CCDC57: variants seen among roughly 807,000 people sequenced by gnomAD.
CCDC57 encodes the protein coiled-coil domain-containing protein 57.
CCDC57 carries 118 observed loss-of-function variants against 118.9 expected under a neutral mutation model. The observed-to-expected ratio is 0.99, with a 90% CI of 0.86 to 1.16. The LOEUF is 1.16. CCDC57 is among the 50% of genes most tolerant of loss of function. The pLI, the probability that CCDC57 is intolerant of heterozygous loss-of-function variation, is 0.00. For synonymous variants in CCDC57, 527 were observed against 532.9 expected (o/e 0.99, Z 0.15); for missense variants, 1,300 against 1,320.7 (o/e 0.98, Z 0.24).
intron 19 of CCDC57, among the ~76,000 whole-genome samples, chr17:82,114,235 G>A (rs550525274): frequency 3.9e-5 from 6 of 152,226 alleles, no homozygotes; most frequent in Admixed American, 6.5e-5. Flanking sequence ...GGGCCATCCC[G>A]ACCTGCTCTC....
chr17:82,138,756 G>A (rs565008407), intron 16 of CCDC57, among the ~76,000 whole-genome samples: 49 of 152,176 alleles, frequency 3.2e-4, no homozygotes, highest in Non-Finnish European at 7.1e-4. Flanking sequence ...CTGAGGCACT[G>A]AGGAACTGTG....
At chr17:82,199,661 G>T (rs1007350334) in intron 3 of CCDC57, among the ~76,000 whole-genome samples, 1 of 152,110 alleles carries the variant, frequency 6.6e-6, no homozygotes, top group Non-Finnish European at 1.5e-5. Flanking sequence ...CCCGCACGGC[G>T]GGCAAGTGGG....
chr17:82,142,002 G>GAA (rs1391240965), intron 16 of CCDC57, among the ~76,000 whole-genome samples: 1 of 151,918 alleles, frequency 6.6e-6, no homozygotes, highest in Non-Finnish European at 1.5e-5. Flanking sequence ...AACCAGTTCT[G>GAA]CCTCCATCTG....
intron 2 of CCDC57, among the ~76,000 whole-genome samples, chr17:82,206,832 C>T (rs2049714756): frequency 6.6e-6 from 1 of 152,182 alleles, no homozygotes; most frequent in Non-Finnish European, 1.5e-5. Flanking sequence ...AATTATAACT[C>T]AGACAGTGAA....
chr17:82,181,296 G>A (rs76851926), intron 9 of CCDC57, among the ~76,000 whole-genome samples: 224 of 152,386 alleles, frequency 1.5e-3, no homozygotes, highest in African/African-American at 4.8e-3. Context: ...CCCAGAGCTC[G>A]TCAGGGCGGC....
At chr17:82,149,944 T>C (rs1319686478) in intron 16 of CCDC57, among the ~76,000 whole-genome samples, 184 of 39,154 alleles carry the variant, frequency 4.7e-3, no homozygotes, top group Middle Eastern at 0.02. Flanking sequence ...CTGGCGCACA[T>C]CCAGAACCAG....
At chr17:82,102,157 C>T (rs575608744) in intron 19 of CCDC57, among the ~76,000 whole-genome samples, 2 of 152,302 alleles carry the variant, frequency 1.3e-5, no homozygotes, top group East Asian at 1.9e-4. Context: ...GTGACCATTT[C>T]GTAATGGGTC....
chr17:82,148,098 G>A (rs1044871299), intron 16 of CCDC57, among the ~76,000 whole-genome samples: 41 of 49,266 alleles, frequency 8.3e-4, no homozygotes, highest in African/African-American at 1.3e-3. Flanking sequence ...GGATGGATGG[G>A]TGGGTGGGAT....
At chr17:82,163,312 C>A (rs1319424960) in exon 14 of CCDC57, 3 of 1,613,738 alleles carry the variant, frequency 1.9e-6, no homozygotes, top group Non-Finnish European at 2.5e-6. Flanking sequence ...TCCTGCTTGA[C>A]CAGCTTGGAC....
chr17:82,194,013 GCTCCCCGGCTCGGCTCTGGAGCTTC>G lies in CCDC57; in HGVS notation c.720_744del (p.Arg240SerfsTer8). 1 of 1,612,500 alleles carries G rather than the reference GCTCCCCGGCTCGGCTCTGGAGCTTC, an allele frequency of 6.2e-7. No individual in the cohort carries two copies. Among genetic ancestry groups the G allele is most frequent in the Non-Finnish European group, 8.5e-7 (1 of 1,179,618 alleles). On this transcript the variant is annotated frameshift_variant, in exon 6 of 20. Transcript: ENST00000665763. LOFTEE classifies it high-confidence loss of function. The stretch of plus-strand genomic sequence containing the variant: ...CGGCTCATGGCCTCCAGGTCCTGGA[GCTCCCCGGCTCGGCTCTGGAGCTTC>G]CTCTCCAGCTCGGCGTTGGTGGCCT...
chr17:82,178,214 C>A (rs1434915290), intron 11 of CCDC57, among the ~76,000 whole-genome samples: 2 of 152,190 alleles, frequency 1.3e-5, no homozygotes, highest in Non-Finnish European at 2.9e-5. Context: ...ATCATAAGAA[C>A]AAACTCACAT....
chr17:82,113,299 C>T (rs1352867393), intron 19 of CCDC57: 10 of 668,320 alleles, frequency 1.5e-5, no homozygotes, highest in Non-Finnish European at 2.8e-5. Flanking sequence ...TTCTTGGATT[C>T]CTGTAGCTTC....
intron 19 of CCDC57, among the ~76,000 whole-genome samples, chr17:82,102,722 A>G (rs1656699086): frequency 6.6e-6 from 1 of 152,054 alleles, no homozygotes; most frequent in Non-Finnish European, 1.5e-5. Flanking sequence ...CGTCTCTACT[A>G]AAAATACAAA....
chr17:82,173,904 C>T (rs555148577), intron 11 of CCDC57, among the ~76,000 whole-genome samples: 43 of 152,244 alleles, frequency 2.8e-4, no homozygotes, highest in African/African-American at 1.0e-3. Flanking sequence ...AGGTGAGGGG[C>T]GCTTCTGCCT....
intron 17 of CCDC57, among the ~76,000 whole-genome samples, chr17:82,129,706 TAGG>T (rs1314731560): frequency 5.9e-5 from 9 of 152,148 alleles, no homozygotes; most frequent in Non-Finnish European, 7.4e-5. Flanking sequence ...TATTGATCTG[TAGG>T]AGTTCTTTTC....
At chr17:82,109,285 G>A (rs903774002) in intron 19 of CCDC57, among the ~76,000 whole-genome samples, 2 of 152,350 alleles carry the variant, frequency 1.3e-5, no homozygotes, top group Non-Finnish European at 1.5e-5. Context: ...CGTGTGGAGC[G>A]CATGCCTGCG....
chr17:82,175,112 C>T (rs1568364606), intron 11 of CCDC57, among the ~76,000 whole-genome samples: 1 of 152,202 alleles, frequency 6.6e-6, no homozygotes, highest in Non-Finnish European at 1.5e-5. Flanking sequence ...AAACATGCAG[C>T]CATTTAGATT....
At chr17:82,159,150 C>T (rs544628231) in intron 14 of CCDC57, among the ~76,000 whole-genome samples, 1 of 151,948 alleles carries the variant, frequency 6.6e-6, no homozygotes, top group African/African-American at 2.4e-5. Context: ...TACAGGCATG[C>T]ACCACCGTGC....
At chr17:82,146,683 C>T (rs755731707) in intron 16 of CCDC57, among the ~76,000 whole-genome samples, 7 of 152,230 alleles carry the variant, frequency 4.6e-5, no homozygotes, top group African/African-American at 9.6e-5. Flanking sequence ...GCCAATAAAT[C>T]GACAAACTTC....
Sources: gnomAD v4.1 joint callset for allele counts (sites outside exome capture counted in the v4.1 genomes callset) on GRCh38, gnomAD v4.1.1 for gene constraint, MANE v1.5 for transcripts, NCBI Gene and HGNC (gene_info 2026-07-23, HGNC 2026-07-21) for gene names.